Variants in SORCS3 observed in about 807,000 individuals in gnomAD.
The protein encoded by SORCS3 is VPS10 domain-containing receptor SorCS3.
SORCS3 carries 57 observed loss-of-function variants against 146.3 expected under a neutral mutation model. That is an observed-to-expected ratio of 0.39 (90% CI 0.31 to 0.49). The LOEUF (loss-of-function observed/expected upper bound fraction) is 0.49, where lower values mean the gene tolerates loss of function less well. Among genes scored for constraint, SORCS3 ranks in the 20% least tolerant of loss-of-function variants. The pLI is 0.92. For synonymous variants in SORCS3, 653 were observed against 618.5 expected (o/e 1.06, Z -0.83); for missense variants, 1,341 against 1,575.5 (o/e 0.85, Z 2.52).
intron 4 of SORCS3, among the ~76,000 whole-genome samples, chr10:105,033,244 G>A (rs766203602): frequency 1.1e-4 from 16 of 152,238 alleles, no homozygotes; most frequent in Non-Finnish European, 1.9e-4. Flanking sequence ...CATTAGTCCT[G>A]TGAGGTTATA....
intron 5 of SORCS3, among the ~76,000 whole-genome samples, chr10:105,083,045 C>T (rs1342327217): frequency 6.6e-6 from 1 of 152,062 alleles, no homozygotes; most frequent in Non-Finnish European, 1.5e-5. Flanking sequence ...GGCCTATGAA[C>T]TTTTTAAATG....
At chr10:104,952,566 T>C (rs2019443723) in intron 3 of SORCS3, among the ~76,000 whole-genome samples, 1 of 152,200 alleles carries the variant, frequency 6.6e-6, no homozygotes, top group Non-Finnish European at 1.5e-5. Flanking sequence ...TGTCCAAGAT[T>C]CTTGGGGTTT....
At chr10:104,974,836 G>T (rs528852015) in intron 3 of SORCS3, among the ~76,000 whole-genome samples, 1 of 152,112 alleles carries the variant, frequency 6.6e-6, no homozygotes, top group Non-Finnish European at 1.5e-5. Flanking sequence ...GCTGGTACCG[G>T]TTGTTCCTTT....
chr10:105,148,336 A>C (rs1046738575), intron 9 of SORCS3, among the ~76,000 whole-genome samples: 2 of 152,172 alleles, frequency 1.3e-5, no homozygotes, highest in Admixed American at 1.3e-4. Flanking sequence ...TAAGTGTGTC[A>C]CTTATATTAA....
intron 1 of SORCS3, among the ~76,000 whole-genome samples, chr10:104,682,343 T>C (rs2015988363): frequency 6.6e-6 from 1 of 152,236 alleles, no homozygotes; most frequent in Non-Finnish European, 1.5e-5. Flanking sequence ...GCCTGGACTC[T>C]TGCACGTATC....
At chr10:104,821,606 A>G (rs979121875) in intron 1 of SORCS3, among the ~76,000 whole-genome samples, 50 of 152,182 alleles carry the variant, frequency 3.3e-4, no homozygotes, top group Non-Finnish European at 3.7e-4. Flanking sequence ...GGTGTCTTAC[A>G]TATTCAACCT....
Position 105,168,112 on chromosome 10 carries a change from T to G in SORCS3, c.1901+763T>G, listed in dbSNP as rs533206174. On this transcript the variant is annotated intron_variant, in intron 13 of 26. Transcript: ENST00000369701. ...AGGATTAAGCAATAAAGGAGGTTTT[T>G]CATGATTTTTGTCAGAGTAGAATTG... Among the ~76,000 whole-genome samples, 7 of 151,946 alleles carry G rather than the reference T, an allele frequency of 4.6e-5. No individual in the cohort carries two copies. In the East Asian group the frequency reaches 1.4e-3, roughly 29 times the overall value.
At chr10:105,118,368 A>T (rs1260272439) in intron 7 of SORCS3, among the ~76,000 whole-genome samples, 1 of 152,054 alleles carries the variant, frequency 6.6e-6, no homozygotes, top group Non-Finnish European at 1.5e-5. Context: ...AGCCCTTCCA[A>T]AGTGGAATTG....
chr10:104,668,372 A>G (rs2015809780), intron 1 of SORCS3, among the ~76,000 whole-genome samples: 1 of 152,124 alleles, frequency 6.6e-6, no homozygotes, highest in Admixed American at 6.5e-5. Flanking sequence ...GTTAAGTGTT[A>G]CATGGGGAGT....
At chr10:104,794,653 G>A in intron 1 of SORCS3, among the ~76,000 whole-genome samples, 1 of 150,046 alleles carries the variant, frequency 6.7e-6, no homozygotes, top group Non-Finnish European at 1.5e-5. Flanking sequence ...GAGAGAGAGA[G>A]AGAGAGAATA....
intron 1 of SORCS3, among the ~76,000 whole-genome samples, chr10:104,737,352 A>G (rs1318382768): frequency 6.6e-6 from 1 of 152,074 alleles, no homozygotes; most frequent in South Asian, 2.1e-4. Context: ...AGGAATCGCC[A>G]CACTGACTTC....
chr10:104,898,916 G>C (rs1232210203), intron 2 of SORCS3, among the ~76,000 whole-genome samples: 1 of 152,170 alleles, frequency 6.6e-6, no homozygotes, highest in Non-Finnish European at 1.5e-5. Flanking sequence ...TGAAATGTTG[G>C]TATTGTTTGC....
At chr10:105,255,002 C>G (rs2056921991) in intron 23 of SORCS3, among the ~76,000 whole-genome samples, 1 of 151,638 alleles carries the variant, frequency 6.6e-6, no homozygotes, top group Non-Finnish European at 1.5e-5. Context: ...TCCTGGCTAA[C>G]ACGGTGAAAC....
At chr10:104,872,503 G>A (rs928815049) in intron 2 of SORCS3, among the ~76,000 whole-genome samples, 1 of 151,588 alleles carries the variant, frequency 6.6e-6, no homozygotes, top group East Asian at 1.9e-4. Context: ...CAGCTTCTGG[G>A]TCCCATCCTC....
chr10:105,234,883 T>C (rs2056784357), intron 20 of SORCS3, among the ~76,000 whole-genome samples: 1 of 152,148 alleles, frequency 6.6e-6, no homozygotes, highest in Non-Finnish European at 1.5e-5. Context: ...TCTCTGTGTC[T>C]TCTATGTTTT....
Position 105,227,141 on chromosome 10 carries a change from G to T in SORCS3, c.2868+3892G>T, listed in dbSNP as rs181868807. On this transcript the variant is annotated intron_variant, in intron 20 of 26. Transcript: ENST00000369701. ...GCTTTTCTAGTTTCTTGAGTTGCAG[G>T]TTGTATTATTTGAAATCCTTCTGCT... Among the ~76,000 whole-genome samples, 3 of 151,796 alleles carry T rather than the reference G, an allele frequency of 2.0e-5. No homozygotes were observed. The East Asian group carries it at 5.8e-4, about 29-fold the overall frequency.
At chr10:105,154,878 A>G (rs2056195281) in intron 9 of SORCS3, among the ~76,000 whole-genome samples, 1 of 152,222 alleles carries the variant, frequency 6.6e-6, no homozygotes, top group African/African-American at 2.4e-5. Context: ...CACAAAAGCC[A>G]AGTGCCTTCC....
In SORCS3 at chr10:105,217,045, C is replaced by T. The variant is rs145906256; in HGVS notation, c.2657C>T (p.Ala886Val). The change falls in exon 19 of 27, where the codon GCG becomes GTG. Residue 886 changes from alanine to valine, a missense_variant. Coordinates refer to ENST00000369701, the MANE Select transcript of SORCS3 (RefSeq NM_014978.3). The stretch of plus-strand genomic sequence containing the variant: ...GGCATCAAGCACGTGTATAAGAGTG[C>T]GGGGATCTTCCAGGTGACAGCCTAT... ...EDGIKHVYKSAGIFQVTAYAE... is the reference protein window; with the variant it reads ...EDGIKHVYKSVGIFQVTAYAE... 1.6e-5 allele frequency: 26 copies of T among 1,614,032 alleles called. No individual in the cohort carries two copies. Among genetic ancestry groups the T allele is most frequent in the Non-Finnish European group, 1.9e-5 (22 of 1,180,018 alleles).
intron 5 of SORCS3, among the ~76,000 whole-genome samples, chr10:105,075,275 C>A (rs777123698): frequency 3.3e-5 from 5 of 152,154 alleles, no homozygotes; most frequent in Non-Finnish European, 7.3e-5. Flanking sequence ...CTTCACCTGG[C>A]TTAGGATCTT....
Sources: allele counts gnomAD v4.1 joint callset (sites outside exome capture counted in the v4.1 genomes callset), GRCh38; gene constraint gnomAD v4.1.1; transcripts MANE v1.5; gene names NCBI Gene and HGNC (gene_info 2026-07-23, HGNC 2026-07-21).